DIAPH3: variants seen among roughly 807,000 people sequenced by gnomAD.
DIAPH3 encodes protein diaphanous homolog 3.
DIAPH3 carries 117 observed loss-of-function variants against 144.3 expected under a neutral mutation model. That is an observed-to-expected ratio of 0.81 (90% CI 0.70 to 0.95). The LOEUF is 0.95. Among genes scored for constraint, DIAPH3 ranks in the 40% least tolerant of loss-of-function variants. The pLI is 0.00. For missense variants in DIAPH3, 1,421 were observed against 1,412.7 expected, an observed-to-expected ratio of 1.01 and a Z score of -0.09; for synonymous variants, 519 against 488.9, an observed-to-expected ratio of 1.06 and a Z score of -0.81.
Position 59,810,772 on chromosome 13 carries a change from A to G in DIAPH3, c.3163+16T>C, listed in dbSNP as rs190656595. The stretch of plus-strand genomic sequence containing the variant: ...TAAGTATACATAGAATAAATAACAA[A>G]TTTGATAGTACTCACCAGTCTTCAT... On this transcript the variant is annotated intron_variant, in intron 25 of 27. Transcript: ENST00000400324. 22 of 1,611,868 alleles carry G rather than the reference A, an allele frequency of 1.4e-5. No individual in the cohort carries two copies. In the African/African-American group the frequency reaches 2.8e-4, roughly 21 times the overall value.
intron 20 of DIAPH3, among the ~76,000 whole-genome samples, chr13:59,901,235 A>G (rs1013743167): frequency 6.6e-6 from 1 of 152,228 alleles, no homozygotes; most frequent in Non-Finnish European, 1.5e-5. Context: ...AATAAAATCC[A>G]TAATTCTCAC....
Position 59,859,647 on chromosome 13 carries a change from T to C in DIAPH3, c.2737+1760A>G, listed in dbSNP as rs142841934. On this transcript the variant is annotated intron_variant, in intron 22 of 27. Transcript: ENST00000400324. ...CTCCGTTATCTATCAAACTGATTAA[T>C]GTCCATCAAGAATACTCATTTCCAA... 3.8e-3 allele frequency among the ~76,000 whole-genome samples: 586 copies of C among 152,320 alleles called. 11 individuals are homozygous for C. The East Asian group carries it at 0.042, about 11-fold the overall frequency.
At chr13:59,861,849 C>G (rs1423316997) in intron 21 of DIAPH3, among the ~76,000 whole-genome samples, 2 of 152,134 alleles carry the variant, frequency 1.3e-5, no homozygotes, top group Non-Finnish European at 2.9e-5. Context: ...TTTAAACATC[C>G]TTGGCATTCA....
intron 22 of DIAPH3, among the ~76,000 whole-genome samples, chr13:59,844,022 G>A (rs552754805): frequency 1.3e-5 from 2 of 151,490 alleles, no homozygotes; most frequent in African/African-American, 4.9e-5. Flanking sequence ...CCTAGGTAAT[G>A]GGTTTATAGA....
intron 17 of DIAPH3, among the ~76,000 whole-genome samples, chr13:59,948,325 T>G (rs754628416): frequency 6.6e-6 from 1 of 152,220 alleles, no homozygotes; most frequent in African/African-American, 2.4e-5. Flanking sequence ...TAGAAGGTCT[T>G]TATTCCAAGA....
intron 27 of DIAPH3, among the ~76,000 whole-genome samples, chr13:59,717,772 C>T (rs765436801): frequency 6.6e-6 from 1 of 151,764 alleles, no homozygotes; most frequent in Non-Finnish European, 1.5e-5. Flanking sequence ...TTCTGAAATG[C>T]TACCCTTGGA....
chr13:59,974,190 G>GA (rs1449638532), intron 15 of DIAPH3, among the ~76,000 whole-genome samples, 162 bp downstream of exon 15: 2 of 151,794 alleles, frequency 1.3e-5, no homozygotes, highest in African/African-American at 2.4e-5. Flanking sequence ...CATACATATA[G>GA]AAAAAAATGA....
At chr13:60,008,912 A>C (rs1238163860) in intron 8 of DIAPH3, among the ~76,000 whole-genome samples, 2 of 152,228 alleles carry the variant, frequency 1.3e-5, no homozygotes, top group Non-Finnish European at 2.9e-5. Context: ...GCCACTTTAC[A>C]AACATCAACT....
chr13:59,940,114 A>C (rs1396543953), intron 17 of DIAPH3, among the ~76,000 whole-genome samples: 2 of 152,078 alleles, frequency 1.3e-5, no homozygotes, highest in African/African-American at 4.8e-5. Context: ...GTAACAACCA[A>C]ATCTGCTATT....
intron 25 of DIAPH3, among the ~76,000 whole-genome samples, chr13:59,789,533 A>C (rs556212056): frequency 6.6e-6 from 1 of 152,280 alleles, no homozygotes. Context: ...AATAAGAATT[A>C]AAAAAAGAAG....
chr13:59,781,058 G>A (rs2038710327), intron 25 of DIAPH3, among the ~76,000 whole-genome samples: 1 of 152,218 alleles, frequency 6.6e-6, no homozygotes, highest in African/African-American at 2.4e-5. Flanking sequence ...CAGTGATCCA[G>A]TAGGAACTCT....
intron 25 of DIAPH3, among the ~76,000 whole-genome samples, chr13:59,808,324 T>C (rs1209659283): frequency 6.6e-6 from 1 of 151,808 alleles, no homozygotes; most frequent in South Asian, 2.1e-4. Context: ...GAACTAAAAA[T>C]GAACTTATAA....
chr13:59,869,355 C>T (rs187980811), intron 21 of DIAPH3, among the ~76,000 whole-genome samples: 1 of 152,094 alleles, frequency 6.6e-6, no homozygotes, highest in Non-Finnish European at 1.5e-5. Context: ...AGGGTCCTTG[C>T]TGGTCTGATA....
chr13:60,080,637 TC>T (rs2057525003), intron 4 of DIAPH3, among the ~76,000 whole-genome samples: 1 of 151,866 alleles, frequency 6.6e-6, no homozygotes, highest in Non-Finnish European at 1.5e-5. Flanking sequence ...CTTGTCATAC[TC>T]ATTTTTTTTC....
At chr13:59,814,392 A>G (rs1157125442) in intron 24 of DIAPH3, among the ~76,000 whole-genome samples, 1 of 152,248 alleles carries the variant, frequency 6.6e-6, no homozygotes, top group Non-Finnish European at 1.5e-5. Context: ...CATTTAAAAC[A>G]TACCATATTC....
At chr13:59,846,109 A>G (rs539821179) in intron 22 of DIAPH3, among the ~76,000 whole-genome samples, 33 of 152,186 alleles carry the variant, frequency 2.2e-4, no homozygotes, top group Non-Finnish European at 4.1e-4. Flanking sequence ...AGTAAAAGTT[A>G]AAATCGAAAC....
chr13:60,034,969 T>G (rs940775586), intron 5 of DIAPH3, among the ~76,000 whole-genome samples: 3 of 151,908 alleles, frequency 2.0e-5, no homozygotes, highest in Non-Finnish European at 2.9e-5. Flanking sequence ...AACAGAATTT[T>G]TTTTAAAAAG....
At chr13:59,979,619 A>AT (rs1160358859) in intron 14 of DIAPH3, among the ~76,000 whole-genome samples, 1 of 151,726 alleles carries the variant, frequency 6.6e-6, no homozygotes, top group Admixed American at 6.6e-5. Context: ...AAGGCCCCTT[A>AT]GGACATTTAT....
intron 1 of DIAPH3, among the ~76,000 whole-genome samples, chr13:60,140,847 G>C (rs117669031): frequency 0.021 from 3,197 of 151,842 alleles, 84 homozygotes; most frequent in Admixed American, 0.081. Context: ...TATGTGCACA[G>C]ACTTTTTAAT....
Sources: allele counts gnomAD v4.1 joint callset (sites outside exome capture counted in the v4.1 genomes callset), GRCh38; gene constraint gnomAD v4.1.1; transcripts MANE v1.5; gene names NCBI Gene and HGNC (gene_info 2026-07-23, HGNC 2026-07-21).